ATP8A2: variants seen among roughly 807,000 people sequenced by gnomAD.
ATP8A2 encodes the protein ATPase phospholipid transporting 8A2.
A neutral mutation model predicts 165.6 loss-of-function variants in ATP8A2; 100 were observed. That is an observed-to-expected ratio of 0.60 (90% CI 0.51 to 0.71). The LOEUF (loss-of-function observed/expected upper bound fraction) is 0.71, where lower values mean the gene tolerates loss of function less well. Ranked by LOEUF, ATP8A2 falls within the 30% of genes least tolerant of loss-of-function variation. The probability of loss-of-function intolerance (pLI) is 0.00; values close to 1 mark genes in which losing one functional copy is unlikely to be tolerated. For synonymous variants in ATP8A2, 543 were observed against 548.8 expected (o/e 0.99, Z 0.15); for missense variants, 1,227 against 1,479.5 (o/e 0.83, Z 2.80).
intron 24 of ATP8A2, among the ~76,000 whole-genome samples, chr13:25,600,102 G>A (rs2138364881): frequency 6.6e-6 from 1 of 152,276 alleles, no homozygotes. Context: ...AGTACAGTAA[G>A]AAAACTCTAG....
chr13:25,539,822 G>A (rs2137980103), intron 7 of ATP8A2, among the ~76,000 whole-genome samples: 1 of 152,256 alleles, frequency 6.6e-6, no homozygotes, highest in African/African-American at 2.4e-5. Context: ...TGATTAAAAA[G>A]TTGGACTCGA....
intron 27 of ATP8A2, among the ~76,000 whole-genome samples, chr13:25,802,713 T>C (rs1488894958): frequency 6.6e-6 from 1 of 152,106 alleles, no homozygotes; most frequent in African/African-American, 2.4e-5. Context: ...TTCAATTTCA[T>C]CATAAAAGTC....
intron 27 of ATP8A2, among the ~76,000 whole-genome samples, chr13:25,786,543 A>G (rs2045030582): frequency 1.3e-5 from 2 of 152,304 alleles, no homozygotes; most frequent in Middle Eastern, 3.4e-3. Context: ...TTGTTTTAAT[A>G]ATCTTTTTTG....
At chr13:25,968,063 C>G (rs1955821962) in intron 34 of ATP8A2, among the ~76,000 whole-genome samples, 2 of 152,182 alleles carry the variant, frequency 1.3e-5, no homozygotes, top group South Asian at 2.1e-4. Context: ...CCAGACCATG[C>G]ACTCTAGCAT....
At chr13:25,846,251 T>C (rs1227798209) in intron 30 of ATP8A2, among the ~76,000 whole-genome samples, 1 of 152,106 alleles carries the variant, frequency 6.6e-6, no homozygotes, top group Non-Finnish European at 1.5e-5. Flanking sequence ...GACACAGTAG[T>C]GCGTTAATAG....
chr13:25,615,686 G>A (rs2040805210), intron 24 of ATP8A2, among the ~76,000 whole-genome samples: 1 of 152,140 alleles, frequency 6.6e-6, no homozygotes, highest in African/African-American at 2.4e-5. Flanking sequence ...AACCAGAAAT[G>A]TGTACTCTGG....
chr13:25,535,292 C>T (rs1375690141), intron 6 of ATP8A2, among the ~76,000 whole-genome samples: 1 of 152,164 alleles, frequency 6.6e-6, no homozygotes, highest in Non-Finnish European at 1.5e-5. Flanking sequence ...GATCTGCTGT[C>T]CCCTGGGCTG....
chr13:25,806,687 A>G (rs1950747335), intron 27 of ATP8A2, among the ~76,000 whole-genome samples: 1 of 152,128 alleles, frequency 6.6e-6, no homozygotes, highest in Non-Finnish European at 1.5e-5. Flanking sequence ...GTTCTCTTCA[A>G]TACCTAGAAG....
At chr13:25,620,369 A>G (rs1163336047) in intron 24 of ATP8A2, among the ~76,000 whole-genome samples, 1 of 152,146 alleles carries the variant, frequency 6.6e-6, no homozygotes, top group Admixed American at 6.5e-5. Context: ...AGGCAGAAAA[A>G]TCTTTGAAGA....
At chr13:25,905,040 G>A (rs1593536073) in intron 33 of ATP8A2, among the ~76,000 whole-genome samples, 1 of 138,246 alleles carries the variant, frequency 7.2e-6, no homozygotes, top group Admixed American at 7.5e-5. Context: ...CCACCGCCCC[G>A]AGGAGAAGAG....
At chr13:25,741,363 T>A (rs1184662636) in intron 25 of ATP8A2, among the ~76,000 whole-genome samples, 3 of 152,060 alleles carry the variant, frequency 2.0e-5, no homozygotes, top group Admixed American at 2.0e-4. Flanking sequence ...AAACATACAC[T>A]CGAGCAACAT....
At chr13:25,527,323 C>T (rs1004340933) in intron 2 of ATP8A2, among the ~76,000 whole-genome samples, 1 of 152,098 alleles carries the variant, frequency 6.6e-6, no homozygotes, top group Non-Finnish European at 1.5e-5. Context: ...ATTGAACTCA[C>T]CTGGGAACTT....
intron 1 of ATP8A2, among the ~76,000 whole-genome samples, chr13:25,412,293 G>A (rs1252668689): frequency 6.7e-6 from 1 of 149,636 alleles, no homozygotes; most frequent in Non-Finnish European, 1.5e-5. Context: ...AGGATACCTA[G>A]GATGCCATAA....
intron 23 of ATP8A2, among the ~76,000 whole-genome samples, chr13:25,583,596 C>T (rs1340516352): frequency 6.6e-6 from 1 of 152,150 alleles, no homozygotes; most frequent in African/African-American, 2.4e-5. Flanking sequence ...CCTGGGAGCA[C>T]ACGCAGCCCT....
chr13:25,671,271 C>T (rs903213437), intron 24 of ATP8A2, among the ~76,000 whole-genome samples: 4 of 152,190 alleles, frequency 2.6e-5, no homozygotes, highest in African/African-American at 4.8e-5. Flanking sequence ...GGATGTATAT[C>T]GCCTCAGGAC....
intron 1 of ATP8A2, among the ~76,000 whole-genome samples, chr13:25,463,132 T>TTG (rs1363876359): frequency 6.7e-6 from 1 of 150,128 alleles, no homozygotes; most frequent in Non-Finnish European, 1.5e-5. Context: ...AAGTGTTTTT[T>TTG]TTTTTTTTTT....
rs1272655753 is a variant in ATP8A2 at position 25,465,759 on chromosome 13, C to T, written c.77-3218C>T. On this transcript the variant is annotated intron_variant, in intron 1 of 36. Coordinates refer to ENST00000381655, the MANE Select transcript of ATP8A2 (RefSeq NM_016529.6). Reference sequence around the variant, plus strand: ...TCTTTCCCTCCCTCCCTCTCTCTCTCTCTTTCTCTCTTTCTCTCTTTCTCT... The same window carrying T: ...TCTTTCCCTCCCTCCCTCTCTCTCTTTCTTTCTCTCTTTCTCTCTTTCTCT... Among the ~76,000 whole-genome samples the T allele has an allele frequency of 2.1e-3, 178 of 86,402 alleles. 1 individual carries two copies. The highest frequency in any genetic ancestry group is 9.6e-3 in the Middle Eastern group (2 of 208). The allele number at this position is 86,402 out of a possible 152,430, so 56.7% of individuals were successfully genotyped here.
intron 30 of ATP8A2, among the ~76,000 whole-genome samples, chr13:25,859,160 C>T (rs975988488): frequency 6.6e-6 from 1 of 152,018 alleles, no homozygotes; most frequent in Admixed American, 6.5e-5. Flanking sequence ...CGAGATTGTA[C>T]CACTGCATTC....
intron 1 of ATP8A2, among the ~76,000 whole-genome samples, chr13:25,461,484 T>C (rs2137481585): frequency 6.6e-6 from 1 of 152,320 alleles, no homozygotes; most frequent in East Asian, 1.9e-4. Context: ...AATGTATGTG[T>C]ATATGCATGC....
Sources: allele counts gnomAD v4.1 joint callset (sites outside exome capture counted in the v4.1 genomes callset), GRCh38; gene constraint gnomAD v4.1.1; transcripts MANE v1.5; gene names NCBI Gene and HGNC (gene_info 2026-07-23, HGNC 2026-07-21).